Variants in DAB2IP observed in about 807,000 individuals in gnomAD.
DAB2IP encodes the protein DAB2 interacting protein.
A neutral mutation model predicts 107.2 loss-of-function variants in DAB2IP; 28 were observed. The observed-to-expected ratio is 0.26, with a 90% CI of 0.19 to 0.36. The LOEUF is 0.36. Ranked by LOEUF, DAB2IP falls within the 10% of genes least tolerant of loss-of-function variation. DAB2IP has a pLI of 1.00. For missense variants in DAB2IP, 1,400 were observed against 1,644.7 expected, an observed-to-expected ratio of 0.85 and a Z score of 2.57; for synonymous variants, 755 against 706.4, an observed-to-expected ratio of 1.07 and a Z score of -1.09.
At chr9:121,572,007 C>T (rs1361098893) in intron 1 of DAB2IP, among the ~76,000 whole-genome samples, 1 of 152,014 alleles carries the variant, frequency 6.6e-6, no homozygotes, top group East Asian at 1.9e-4. Flanking sequence ...GTGACTGTCC[C>T]CTCTGGTGCC....
At chr9:121,764,501 T>C (rs1294514964) in intron 8 of DAB2IP, among the ~76,000 whole-genome samples, 1 of 152,242 alleles carries the variant, frequency 6.6e-6, no homozygotes, top group Non-Finnish European at 1.5e-5. Flanking sequence ...GCCACCAGCT[T>C]GCTCCTGGGA....
At chr9:121,766,974 A>G (rs185245296) in intron 9 of DAB2IP, among the ~76,000 whole-genome samples, 2 of 152,128 alleles carry the variant, frequency 1.3e-5, no homozygotes, top group Non-Finnish European at 2.9e-5. Flanking sequence ...GACATGAGAC[A>G]TTTTTTTCCT....
intron 3 of DAB2IP, among the ~76,000 whole-genome samples, 172 bp from the exon 4 acceptor site, chr9:121,756,841 C>T (rs1833526306): frequency 6.6e-6 from 1 of 152,138 alleles, no homozygotes; most frequent in Admixed American, 6.5e-5. Flanking sequence ...GAGGTTCCCA[C>T]CAGTCTCTGT....
At chr9:121,718,440 C>A (rs1830733053) in intron 3 of DAB2IP, among the ~76,000 whole-genome samples, 1 of 152,152 alleles carries the variant, frequency 6.6e-6, no homozygotes, top group Non-Finnish European at 1.5e-5. Context: ...TCTGCAGGGA[C>A]AACAAAACCC....
At chr9:121,769,377 GCACA>G (rs1269273429) in intron 10 of DAB2IP, among the ~76,000 whole-genome samples, 2 of 152,144 alleles carry the variant, frequency 1.3e-5, no homozygotes, top group East Asian at 1.9e-4. Flanking sequence ...ACATGCAGGC[GCACA>G]CACATAGAGC....
chr9:121,679,132 C>T (rs1589502157), intron 2 of DAB2IP, among the ~76,000 whole-genome samples: 1 of 152,070 alleles, frequency 6.6e-6, no homozygotes, highest in Non-Finnish European at 1.5e-5. Flanking sequence ...GCTTCTGCAA[C>T]CCCGAAAAGA....
chr9:121,574,547 C>T (rs1164164571), intron 1 of DAB2IP, among the ~76,000 whole-genome samples: 1 of 152,176 alleles, frequency 6.6e-6, no homozygotes, highest in African/African-American at 2.4e-5. Context: ...TACTGTGTGC[C>T]TGGCTCACTG....
In DAB2IP at chr9:121,651,659, G is replaced by C. The variant is rs1832743686; in HGVS notation, c.-117G>C. ...GACTTTGTGGGGCAGCCAGGGCCTC[G>C]GCGGCCGCTCGGGCGAGCGCGGGAG... On this transcript the variant is annotated 5_prime_UTR_variant, in exon 1 of 16. Coordinates refer to ENST00000408936, the Ensembl canonical transcript of DAB2IP. The surrounding 1 kb of genome is among the most constrained non-coding windows in gnomAD (Gnocchi z 5.1). The C allele has an allele frequency of 1.8e-6, 2 of 1,083,374 alleles. No homozygotes were observed. The highest frequency in any genetic ancestry group is 1.7e-5 in the African/African-American group (1 of 59,716). 67.1% of individuals were successfully genotyped at this position (1,083,374 alleles called of 1,614,324 possible). A position where few individuals can be genotyped will look rare whatever the true frequency, so the allele number is the denominator to read the frequency against.
At chr9:121,624,668 C>T (rs879882515) in intron 1 of DAB2IP, among the ~76,000 whole-genome samples, 1 of 152,196 alleles carries the variant, frequency 6.6e-6, no homozygotes, top group Non-Finnish European at 1.5e-5. Context: ...GAGCAGCAGG[C>T]TACCCACCAT....
At position 121,702,572 on chromosome 9, in the gene DAB2IP, C is replaced by T. The variant is rs900556918; in HGVS notation, c.362+3114C>T. On this transcript the variant is annotated intron_variant, in intron 3 of 15. Transcript: ENST00000408936. The surrounding 1 kb of genome is among the most constrained non-coding windows in gnomAD (Gnocchi z 4.5). ...ACAGGTGATCATTTCTCCTGGGTAA[C>T]AAACACATGCTGCTTGGAGCGCTTT... is the stretch of plus-strand genomic sequence containing the variant. Among the ~76,000 whole-genome samples, 5 of 152,194 alleles carry T rather than the reference C, an allele frequency of 3.3e-5. No individual in the cohort carries two copies. The highest frequency in any genetic ancestry group is 2.6e-4 in the Admixed American group (4 of 15,278).
chr9:121,672,908 C>G (rs1465391596), intron 1 of DAB2IP, among the ~76,000 whole-genome samples: 1 of 152,222 alleles, frequency 6.6e-6, no homozygotes, highest in Admixed American at 6.5e-5. Flanking sequence ...CTCCCAGTGT[C>G]TGTTTGCCCA....
In DAB2IP at chr9:121,698,299, G is replaced by A. The variant is rs1450488727; in HGVS notation, c.229-1026G>A. Among the ~76,000 whole-genome samples, 10 of 152,138 alleles carry A rather than the reference G, an allele frequency of 6.6e-5. No individual in the cohort carries two copies. In the South Asian group the frequency reaches 2.1e-3, roughly 32 times the overall value. On this transcript the variant is annotated intron_variant, in intron 2 of 15. Coordinates refer to ENST00000408936, the Ensembl canonical transcript of DAB2IP. This position sits in a 1 kb window ranked among gnomAD's most constrained non-coding sequence, Gnocchi z 4.1. Reference sequence around the variant, plus strand: ...CAAGCTGCCTGTAGTTTCCAAGCCCGGCAGGACACAGGCTGTGTCCCCTGG... The same window carrying A: ...CAAGCTGCCTGTAGTTTCCAAGCCCAGCAGGACACAGGCTGTGTCCCCTGG...
intron 1 of DAB2IP, 95 bp from the exon 2 acceptor site, chr9:121,678,583 G>T (rs768267526): frequency 1.0e-5 from 11 of 1,065,166 alleles, no homozygotes; most frequent in Non-Finnish European, 1.4e-5. Context: ...GGACCGGTTT[G>T]TCTGTTGTCC....
At chr9:121,577,063 A>T (rs960515529) in intron 1 of DAB2IP, among the ~76,000 whole-genome samples, 6 of 152,042 alleles carry the variant, frequency 3.9e-5, no homozygotes, top group African/African-American at 1.4e-4. Flanking sequence ...GTCTGAGGAC[A>T]TCTCTCGGGC....
At chr9:121,700,800 C>G (rs1435576507) in intron 3 of DAB2IP, among the ~76,000 whole-genome samples, 1 of 152,194 alleles carries the variant, frequency 6.6e-6, no homozygotes, top group Admixed American at 6.5e-5. Context: ...CAGCTGGTTT[C>G]CTGCCCCAGC....
At chr9:121,609,870 A>C (rs1831028788) in intron 1 of DAB2IP, among the ~76,000 whole-genome samples, 1 of 152,220 alleles carries the variant, frequency 6.6e-6, no homozygotes, top group Non-Finnish European at 1.5e-5. Context: ...GCTCTGCAAG[A>C]ATCCCAGTTT....
chr9:121,570,916 C>G (rs766981488), intron 1 of DAB2IP, among the ~76,000 whole-genome samples: 8 of 152,048 alleles, frequency 5.3e-5, no homozygotes, highest in Non-Finnish European at 1.0e-4. Flanking sequence ...TCCTGGGGCT[C>G]TCTCTCCTGC....
At chr9:121,774,500 A>G (rs977907641) in intron 13 of DAB2IP, 88 bp downstream of exon 13, 15 of 1,425,268 alleles carry the variant, frequency 1.1e-5, no homozygotes, top group African/African-American at 2.9e-5. Context: ...TCCCCCAGCA[A>G]CGGGTGCTGC....
intron 14 of DAB2IP, among the ~76,000 whole-genome samples, chr9:121,779,435 G>C (rs893120351): frequency 2.6e-5 from 4 of 152,308 alleles, no homozygotes; most frequent in South Asian, 4.1e-4. Flanking sequence ...TTTTTGGTTG[G>C]ATGCCAGGCA....
Sources: allele counts gnomAD v4.1 joint callset (sites outside exome capture counted in the v4.1 genomes callset), GRCh38; gene constraint gnomAD v4.1.1; non-coding constraint Gnocchi (gnomAD v3.1); transcripts MANE v1.5; gene names NCBI Gene and HGNC (gene_info 2026-07-23, HGNC 2026-07-21).